The following LHX8 variants were observed in gnomAD, a reference collection of about 807,000 sequenced individuals.
LHX8 encodes LIM/homeobox protein Lhx8.
LHX8 carries 12 observed loss-of-function variants against 40.3 expected under a neutral mutation model. That is an observed-to-expected ratio of 0.30 (90% CI 0.19 to 0.48). The LOEUF is 0.48. LHX8 is among the 20% of genes least tolerant of loss of function. The probability of loss-of-function intolerance (pLI) is 0.99; values close to 1 mark genes in which losing one functional copy is unlikely to be tolerated. For missense variants in LHX8, 344 were observed against 433.7 expected, an observed-to-expected ratio of 0.79 and a Z score of 1.84; for synonymous variants, 179 against 162.0, an observed-to-expected ratio of 1.10 and a Z score of -0.80.
the LHX8 span, among the ~76,000 whole-genome samples, chr1:75,191,270 C>G: frequency 5.9e-5 from 9 of 152,068 alleles, no homozygotes; most frequent in African/African-American, 1.4e-4. Context: ...GGATCCAAGA[C>G]AGGAAATTGA....
At chr1:75,172,489 T>A in the LHX8 span, among the ~76,000 whole-genome samples, 1 of 152,234 alleles carries the variant, frequency 6.6e-6, no homozygotes, top group Non-Finnish European at 1.5e-5. Flanking sequence ...AGCTTATATC[T>A]CTGCCAGTGT....
upstream of LHX8, chr1:75,131,160 AGCTGTGCCTCGCC>A: frequency 2.0e-5 from 6 of 301,204 alleles, no homozygotes; most frequent in Admixed American, 4.1e-5. Context: ...CTCAGGCTCC[AGCTGTGCCTCGCC>A]CCGATCTCCA....
the LHX8 span, among the ~76,000 whole-genome samples, chr1:75,197,618 A>G: frequency 1.3e-5 from 2 of 152,310 alleles, no homozygotes; most frequent in Admixed American, 6.5e-5. Context: ...CACTAAAAGA[A>G]AAGGAATATT....
intron 8 of LHX8, 74 bp downstream of exon 8, chr1:75,157,150 T>C (rs1648792674): frequency 2.0e-6 from 3 of 1,493,488 alleles, no homozygotes; most frequent in African/African-American, 2.8e-5. Flanking sequence ...AGATTATTGA[T>C]ACAATTCACA....
intron 7 of LHX8, among the ~76,000 whole-genome samples, chr1:75,156,681 G>A (rs1198690616): frequency 6.6e-6 from 1 of 152,164 alleles, no homozygotes; most frequent in Non-Finnish European, 1.5e-5. Context: ...AATCACCAGA[G>A]AGCTATCAAC....
the LHX8 span, among the ~76,000 whole-genome samples, chr1:75,182,318 G>C: frequency 3.3e-5 from 5 of 150,380 alleles, no homozygotes; most frequent in African/African-American, 1.2e-4. Flanking sequence ...TAAATATTTA[G>C]CTTTATTTCT....
At chr1:75,177,914 C>G in the LHX8 span, among the ~76,000 whole-genome samples, 1 of 152,274 alleles carries the variant, frequency 6.6e-6, no homozygotes, top group African/African-American at 2.4e-5. Flanking sequence ...AAGGCCTTTT[C>G]TGCATCTATT....
At chr1:75,173,717 C>T in the LHX8 span, among the ~76,000 whole-genome samples, 10 of 152,174 alleles carry the variant, frequency 6.6e-5, no homozygotes, top group Admixed American at 3.9e-4. Context: ...GCTATCCTAT[C>T]TCCAAAAATC....
the LHX8 span, among the ~76,000 whole-genome samples, chr1:75,177,881 T>G: frequency 2.0e-5 from 3 of 152,214 alleles, no homozygotes; most frequent in Non-Finnish European, 4.4e-5. Context: ...GTTTTTAGGA[T>G]GAATGGCTGT....
At chr1:75,167,657 C>T in the LHX8 span, among the ~76,000 whole-genome samples, 2 of 152,158 alleles carry the variant, frequency 1.3e-5, no homozygotes, top group Non-Finnish European at 2.9e-5. Flanking sequence ...TTATAATTTT[C>T]CTTCCTCAGT....
At chr1:75,144,079 T>C (rs1648396626) in intron 6 of LHX8, 131 bp downstream of exon 6, 1 of 713,440 alleles carries the variant, frequency 1.4e-6, no homozygotes, top group Admixed American at 2.2e-5. Flanking sequence ...TGAAAACTAA[T>C]TTGGTGAATA....
At chr1:75,170,153 C>T in the LHX8 span, among the ~76,000 whole-genome samples, 4 of 152,218 alleles carry the variant, frequency 2.6e-5, no homozygotes, top group African/African-American at 4.8e-5. Context: ...CTCAAGACTT[C>T]AGTGCTTCTG....
intron 1 of LHX8, 89 bp downstream of exon 1, chr1:75,135,043 C>T (rs1648080839): frequency 3.8e-6 from 2 of 528,136 alleles, no homozygotes; most frequent in Non-Finnish European, 2.4e-6. Flanking sequence ...CGGGTGGAAC[C>T]GGAGACCTGG....
chr1:75,190,933 T>C, the LHX8 span, among the ~76,000 whole-genome samples: 2 of 152,194 alleles, frequency 1.3e-5, no homozygotes, highest in Non-Finnish European at 2.9e-5. Flanking sequence ...GAAAAGATTA[T>C]GGTGATAGTT....
At chr1:75,133,619 GAAAT>G (rs1648030734), upstream of LHX8, among the ~76,000 whole-genome samples, 1 of 152,042 alleles carries the variant, frequency 6.6e-6, no homozygotes, top group African/African-American at 2.4e-5. Context: ...ACTAAATAAT[GAAAT>G]AAAGTTTATA....
intron 3 of LHX8, among the ~76,000 whole-genome samples, chr1:75,137,681 G>A (rs1053329776): frequency 2.0e-5 from 3 of 152,204 alleles, no homozygotes; most frequent in Non-Finnish European, 4.4e-5. Flanking sequence ...CCACCCCAGT[G>A]ACGCCCACGC....
intron 3 of LHX8, 140 bp from the exon 4 acceptor site, chr1:75,140,845 A>G (rs1453250488): frequency 5.9e-6 from 5 of 847,042 alleles, no homozygotes; most frequent in Non-Finnish European, 9.4e-6. Flanking sequence ...ATCTTAAAAA[A>G]AAATGACATC....
In LHX8 at chr1:75,134,983, T is replaced by C. The variant is rs557727000; in HGVS notation, c.-13+29T>C. On this transcript the variant is annotated intron_variant, in intron 1 of 8. Coordinates refer to ENST00000356261, the MANE Select transcript of LHX8 (RefSeq NM_001256114.2). ...AGTCGTGCTTTTGTTCTATTTGCTGTGGTGATCGTGGCGGTCCGGGAGAGT... is the reference window on the plus strand; with the variant it reads ...AGTCGTGCTTTTGTTCTATTTGCTGCGGTGATCGTGGCGGTCCGGGAGAGT... The C allele has an allele frequency of 8.1e-4, 785 of 970,320 alleles. 1 individual carries two copies. The highest frequency in any genetic ancestry group is 9.8e-4 in the Admixed American group (16 of 16,270). 60.1% of individuals were successfully genotyped at this position (970,320 alleles called of 1,614,324 possible).
chr1:75,169,344 T>G, the LHX8 span, among the ~76,000 whole-genome samples: 1 of 152,166 alleles, frequency 6.6e-6, no homozygotes, highest in Non-Finnish European at 1.5e-5. Context: ...TTCTCTTCTG[T>G]AAATGAGCAC....
Sources: allele counts gnomAD v4.1 joint callset (sites outside exome capture counted in the v4.1 genomes callset), GRCh38; gene constraint gnomAD v4.1.1; transcripts MANE v1.5; gene names NCBI Gene and HGNC (gene_info 2026-07-23, HGNC 2026-07-21).